Variants in LSM8 observed in about 807,000 individuals in gnomAD.
The protein encoded by LSM8 is LSM8 homolog, U6 small nuclear RNA associated.
A neutral mutation model predicts 15.0 loss-of-function variants in LSM8; 14 were observed. That is an observed-to-expected ratio of 0.93 (90% CI 0.62 to 1.46). The LOEUF (loss-of-function observed/expected upper bound fraction) is 1.46, where lower values mean the gene tolerates loss of function less well. Among genes scored for constraint, LSM8 ranks in the 40% most tolerant of loss-of-function variants. The probability of loss-of-function intolerance (pLI) is 0.00; values close to 1 mark genes in which losing one functional copy is unlikely to be tolerated. For missense variants in LSM8, 90 were observed against 115.4 expected (o/e 0.78, Z 1.01); for synonymous variants, 50 against 42.1 (o/e 1.19, Z -0.73).
rs1182543083 is a variant in LSM8, at chr7:118,192,982, T to C, written c.*980T>C. Among the ~76,000 whole-genome samples the C allele has an allele frequency of 3.3e-5, 5 of 152,190 alleles. No individual in the cohort carries two copies. Among genetic ancestry groups the C allele is most frequent in the African/African-American group, 1.2e-4 (5 of 41,470 alleles). Reference sequence around the variant, plus strand: ...GTCCATAAAATTTCTGATCAACTCATGTATAGGCCCAAGTGTGTGTCTTTG... The same window carrying C: ...GTCCATAAAATTTCTGATCAACTCACGTATAGGCCCAAGTGTGTGTCTTTG... On this transcript the variant is annotated 3_prime_UTR_variant, in exon 4 of 4. Transcript: ENST00000249299.
At position 118,192,753 on chromosome 7, in the gene LSM8, T is replaced by C. The variant is rs1455188019; in HGVS notation, c.*751T>C. 6.6e-6 allele frequency: 1 copy of C among 152,182 alleles called. No individual in the cohort carries two copies. The highest frequency in any genetic ancestry group is 1.5e-5 in the Non-Finnish European group (1 of 67,998). The allele number at this position is 152,182 out of a possible 1,614,324, so 9.4% of individuals were successfully genotyped here. ...CCATGTAGTCTTCAATTTTTAATTT[T>C]TAAGAATTGGAGAATTTCTAATGTT... On this transcript the variant is annotated 3_prime_UTR_variant, in exon 4 of 4. Coordinates refer to ENST00000249299, the MANE Select transcript of LSM8 (RefSeq NM_016200.5).
chr7:118,196,435 C>T lies in LSM8; in HGVS notation c.*4433C>T, dbSNP rs577937430. On this transcript the variant is annotated 3_prime_UTR_variant, in exon 4 of 4. Transcript: ENST00000249299. Reference sequence around the variant, plus strand: ...TTTTTTTCTTTTAAGATTGCTAAGTCTGTAGGTTGCATAATTCTAAGGATA... The same window carrying T: ...TTTTTTTCTTTTAAGATTGCTAAGTTTGTAGGTTGCATAATTCTAAGGATA... 1.4e-3 allele frequency among the ~76,000 whole-genome samples: 215 copies of T among 152,002 alleles called. No individual in the cohort carries two copies. The highest frequency in any genetic ancestry group is 5.0e-3 in the African/African-American group (206 of 41,446).
intron 1 of LSM8, chr7:118,184,480 A>G (rs1242529642): frequency 4.4e-6 from 2 of 452,462 alleles, no homozygotes; most frequent in Admixed American, 8.4e-5. Context: ...ATAAAAACCC[A>G]GTGTGATTAT....
rs540307606 is a variant in LSM8 at position 118,195,001 on chromosome 7, T to C, written c.*2999T>C. Among the ~76,000 whole-genome samples the C allele has an allele frequency of 1.3e-5, 2 of 152,168 alleles. No individual in the cohort carries two copies. The highest frequency in any genetic ancestry group is 2.9e-5 in the Non-Finnish European group (2 of 68,014). On this transcript the variant is annotated 3_prime_UTR_variant, in exon 4 of 4. Coordinates refer to ENST00000249299, the MANE Select transcript of LSM8 (RefSeq NM_016200.5). ...GCTTTTTATACAATACTGCCTGTTA[T>C]CAGAAAGTATAGTCTTAAAATCTGC...
At chr7:118,187,753 T>C (rs1261400790) in intron 2 of LSM8, among the ~76,000 whole-genome samples, 3 of 152,212 alleles carry the variant, frequency 2.0e-5, no homozygotes, top group Non-Finnish European at 2.9e-5. Flanking sequence ...CTCAGTTTCT[T>C]CTTTGAAATG....
At chr7:118,186,038 G>A (rs1474877052) in intron 2 of LSM8, among the ~76,000 whole-genome samples, 1 of 152,052 alleles carries the variant, frequency 6.6e-6, no homozygotes, top group African/African-American at 2.4e-5. Flanking sequence ...CATATGCTTA[G>A]TAACTTTTTA....
At chr7:118,186,883 A>ATT (rs143252969) in intron 2 of LSM8, among the ~76,000 whole-genome samples, 70 of 151,466 alleles carry the variant, frequency 4.6e-4, no homozygotes, top group African/African-American at 1.4e-3. Flanking sequence ...AGATATTTGC[A>ATT]TTTTTTTTTA....
chr7:118,187,758 G>T (rs1351884958), intron 2 of LSM8, among the ~76,000 whole-genome samples: 1 of 152,168 alleles, frequency 6.6e-6, no homozygotes, highest in Non-Finnish European at 1.5e-5. Flanking sequence ...TTTCTTCTTT[G>T]AAATGGGGCT....
chr7:118,184,199 A>C lies in LSM8; in HGVS notation c.-25A>C, dbSNP rs1584704129. The C allele has an allele frequency of 1.3e-6, 2 of 1,542,752 alleles. No homozygotes were observed. The highest frequency in any genetic ancestry group is 1.7e-6 in the Non-Finnish European group (2 of 1,143,008). On this transcript the variant is annotated 5_prime_UTR_variant, in exon 1 of 4. Coordinates refer to ENST00000249299, the MANE Select transcript of LSM8 (RefSeq NM_016200.5). The stretch of plus-strand genomic sequence containing the variant: ...TGCTTGCTGTCGGCACCGCTGCGTT[A>C]CCCGGAACCGCCGGGCCGAACAGCA...
rs1225432961 is a variant in LSM8, at chr7:118,184,206, A to C, written c.-18A>C. ...TGTCGGCACCGCTGCGTTACCCGGA[A>C]CCGCCGGGCCGAACAGCATGACGTC... On this transcript the variant is annotated 5_prime_UTR_variant, in exon 1 of 4. Coordinates refer to ENST00000249299, the MANE Select transcript of LSM8 (RefSeq NM_016200.5). 1 of 1,542,220 alleles carries C rather than the reference A, an allele frequency of 6.5e-7. No homozygotes were observed. The highest frequency in any genetic ancestry group is 8.8e-7 in the Non-Finnish European group (1 of 1,142,586).
At position 118,192,193 on chromosome 7, in the gene LSM8, G is replaced by A. The variant is rs1808994323; in HGVS notation, c.*191G>A. ...TTTTTTTTGCCTAAATATAAGTTTG[G>A]TAGCTTGGTTTCTTTTTTTTATTAA... On this transcript the variant is annotated 3_prime_UTR_variant, in exon 4 of 4. Transcript: ENST00000249299. 3.9e-5 allele frequency: 15 copies of A among 383,094 alleles called. No homozygotes were observed. The South Asian group carries it at 1.1e-3, about 28-fold the overall frequency. 23.7% of individuals were successfully genotyped at this position (383,094 alleles called of 1,614,324 possible). A position where few individuals can be genotyped will look rare whatever the true frequency, so the allele number is the denominator to read the frequency against.
At position 118,194,786 on chromosome 7, in the gene LSM8, G is replaced by A. The variant is rs1809049689; in HGVS notation, c.*2784G>A. On this transcript the variant is annotated 3_prime_UTR_variant, in exon 4 of 4. Transcript: ENST00000249299. Reference sequence around the variant, plus strand: ...CAACTCTTAACTGACAATATAGTTAGTATATTCTGGGCCTTCATCTTCAAA... The same window carrying A: ...CAACTCTTAACTGACAATATAGTTAATATATTCTGGGCCTTCATCTTCAAA... Among the ~76,000 whole-genome samples, 2 of 152,092 alleles carry A rather than the reference G, an allele frequency of 1.3e-5. No homozygotes were observed. Among genetic ancestry groups the A allele is most frequent in the South Asian group, 4.1e-4 (2 of 4,830 alleles).
chr7:118,188,142 A>C, intron 2 of LSM8, 136 bp from the exon 3 acceptor site: 1 of 970,508 alleles, frequency 1.0e-6, no homozygotes, highest in Non-Finnish European at 1.6e-6. Context: ...TGTTGGTTAT[A>C]AAAAAGGCAT....
At chr7:118,184,550 A>C in intron 1 of LSM8, 5 of 301,934 alleles carry the variant, frequency 1.7e-5, no homozygotes, top group Admixed American at 5.1e-5. Flanking sequence ...CTATTTCCCT[A>C]TGGCATAAGT....
chr7:118,188,391 A>G lies in LSM8; in HGVS notation c.186A>G (p.Val62=). The change falls in exon 3 of 4, where the codon GTA becomes GTG. Residue 62 remains valine, a synonymous_variant. Transcript: ENST00000249299. ...AAGTGGTACTAGGATTATACATTGT[A>G]AGAGGTGACAACGTGTAAGTAAAAT... ...VEQVVLGLYI[V]RGDNVAVIGE... The G allele has an allele frequency of 6.2e-7, 1 of 1,611,894 alleles. No homozygotes were observed. Among genetic ancestry groups the G allele is most frequent in the African/African-American group, 1.3e-5 (1 of 74,958 alleles).
At position 118,192,102 on chromosome 7, in the gene LSM8, A is replaced by C; in HGVS notation, c.*100A>C. ...TTTATGAGTGTGTCACTGGATTTTG[A>C]CTCCTTATTGATTCATTGTAATATG... On this transcript the variant is annotated 3_prime_UTR_variant, in exon 4 of 4. Coordinates refer to ENST00000249299, the MANE Select transcript of LSM8 (RefSeq NM_016200.5). 1 of 731,268 alleles carries C rather than the reference A, an allele frequency of 1.4e-6. No individual in the cohort carries two copies. The highest frequency in any genetic ancestry group is 2.1e-6 in the Non-Finnish European group (1 of 470,458). The allele number at this position is 731,268 out of a possible 1,614,324, so 45.3% of individuals were successfully genotyped here. A position where few individuals can be genotyped will look rare whatever the true frequency, so the allele number is the denominator to read the frequency against.
Position 118,198,579 on chromosome 7 carries a change from A to AT in LSM8, c.*6579dup, listed in dbSNP as rs1438405366. Among the ~76,000 whole-genome samples, 1 of 152,118 alleles carries AT rather than the reference A, an allele frequency of 6.6e-6. No individual in the cohort carries two copies. Among genetic ancestry groups the AT allele is most frequent in the Non-Finnish European group, 1.5e-5 (1 of 68,024 alleles). On this transcript the variant is annotated 3_prime_UTR_variant, in exon 4 of 4. Transcript: ENST00000249299. ...CTCTATGCATAGCAATATGGGAGAG[A>AT]TTGGAGGAGAATCTTCATGGAAATG...
chr7:118,186,683 C>G (rs1057323639), intron 2 of LSM8, among the ~76,000 whole-genome samples: 1 of 152,184 alleles, frequency 6.6e-6, no homozygotes, highest in Non-Finnish European at 1.5e-5. Flanking sequence ...CTCAGAGTCA[C>G]AAGGGTAGCA....
rs1283340512 is a variant in LSM8, at chr7:118,200,475, G to A, written c.*8473G>A. On this transcript the variant is annotated 3_prime_UTR_variant, in exon 4 of 4. Coordinates refer to ENST00000249299, the MANE Select transcript of LSM8 (RefSeq NM_016200.5). The stretch of plus-strand genomic sequence containing the variant: ...CTGGAATCTTAATTACCATTAGGTT[G>A]GAACTCTACCTGAACTAAAAATAAG... 6.6e-6 allele frequency among the ~76,000 whole-genome samples: 1 copy of A among 152,042 alleles called. No individual in the cohort carries two copies. Among genetic ancestry groups the A allele is most frequent in the Non-Finnish European group, 1.5e-5 (1 of 67,998 alleles).
Sources: gnomAD v4.1 joint callset for allele counts (sites outside exome capture counted in the v4.1 genomes callset) on GRCh38, gnomAD v4.1.1 for gene constraint, MANE v1.5 for transcripts, NCBI Gene and HGNC (gene_info 2026-07-23, HGNC 2026-07-21) for gene names.